KLHDC8A: variants seen among roughly 807,000 people sequenced by gnomAD.
The protein encoded by KLHDC8A is kelch domain-containing protein 8A.
In KLHDC8A, 21 loss-of-function variants were observed where a neutral mutation model predicts 33.1. The observed-to-expected ratio is 0.64, with a 90% CI of 0.45 to 0.91. The LOEUF (loss-of-function observed/expected upper bound fraction) is 0.91, where lower values mean the gene tolerates loss of function less well. Among genes scored for constraint, KLHDC8A ranks in the 40% least tolerant of loss-of-function variants. KLHDC8A has a pLI of 0.00. For missense variants in KLHDC8A, 435 were observed against 483.3 expected, an observed-to-expected ratio of 0.90 and a Z score of 0.94; for synonymous variants, 173 against 193.5, an observed-to-expected ratio of 0.89 and a Z score of 0.88.
rs543231899 is a variant in KLHDC8A, at chr1:205,350,994, G to C, written c.-190+5539C>G. Reference sequence around the variant, plus strand: ...GGTAGAGGGCCTGCTAGAAACAGAAGGCTAAACAAAAGGCTGGCCTGCTCA... The same window carrying C: ...GGTAGAGGGCCTGCTAGAAACAGAACGCTAAACAAAAGGCTGGCCTGCTCA... On this transcript the variant is annotated intron_variant, in intron 1 of 5. Transcript: ENST00000367155. Among the ~76,000 whole-genome samples the C allele has an allele frequency of 1.1e-4, 16 of 152,302 alleles. No individual in the cohort carries two copies. The South Asian group carries it at 3.3e-3, about 32-fold the overall frequency.
chr1:205,341,892 G>T lies in KLHDC8A; in HGVS notation c.376+1337C>A, dbSNP rs375505195. Among the ~76,000 whole-genome samples the T allele has an allele frequency of 1.1e-4, 16 of 152,116 alleles. 1 individual carries two copies. Among genetic ancestry groups the T allele is most frequent in the African/African-American group, 2.9e-4 (12 of 41,506 alleles). On this transcript the variant is annotated intron_variant, in intron 2 of 5. Coordinates refer to ENST00000367155, the MANE Select transcript of KLHDC8A (RefSeq NM_018203.3). The stretch of plus-strand genomic sequence containing the variant: ...TCTTGATCTCCTGACCTCATGATCC[G>T]CCCGCCTCAGCCTCCCAAAATGCTG...
intron 1 of KLHDC8A, among the ~76,000 whole-genome samples, chr1:205,355,525 AAT>A (rs1435557420): frequency 6.6e-6 from 1 of 152,212 alleles, no homozygotes; most frequent in Non-Finnish European, 1.5e-5. Flanking sequence ...TATTTTGTAT[AAT>A]TTGAACCTCA....
Position 205,336,388 on chromosome 1 carries a change from G to C in KLHDC8A, c.*1011C>G, listed in dbSNP as rs1036651340. The C allele has an allele frequency of 6.6e-6, 1 of 152,584 alleles. No homozygotes were observed. Among genetic ancestry groups the C allele is most frequent in the African/African-American group, 2.4e-5 (1 of 41,446 alleles). 9.5% of individuals were successfully genotyped at this position (152,584 alleles called of 1,614,324 possible). ...TGAGAAGGCAGAGCTCTTCAGAGGG[G>C]ACAGCCAAGAACAGGTAGTCACTGG... is the stretch of plus-strand genomic sequence containing the variant. On this transcript the variant is annotated 3_prime_UTR_variant, in exon 6 of 6. Transcript: ENST00000367155.
chr1:205,341,951 T>C (rs1662804228), intron 2 of KLHDC8A, among the ~76,000 whole-genome samples: 1 of 152,194 alleles, frequency 6.6e-6, no homozygotes, highest in Non-Finnish European at 1.5e-5. Context: ...GCCCGGCCAA[T>C]CTTTGTTTCT....
At position 205,343,567 on chromosome 1, in the gene KLHDC8A, C is replaced by A. The variant is rs1197449167; in HGVS notation, c.38G>T (p.Arg13Leu). 2.5e-6 allele frequency: 4 copies of A among 1,610,266 alleles called. No individual in the cohort carries two copies. In the Middle Eastern group the frequency reaches 5.0e-4, roughly 201 times the overall value. Residue 13 changes from arginine (R) to leucine (L), a missense_variant, in exon 2 of 6, where the codon CGC becomes CTC. Arg to Leu is a moderately radical substitution (Grantham distance 102). Coordinates refer to ENST00000367155, the MANE Select transcript of KLHDC8A (RefSeq NM_018203.3). ...VPNVKDFQWK[R>L]LAPLPSRRVY... ...CCGGCGGCTGGGCAGTGGCGCCAGG[C>A]GCTTCCACTGGAAGTCCTTGACGTT...
In KLHDC8A at chr1:205,339,152, C is replaced by T. The variant is rs1316504317; in HGVS notation, c.757+42G>A. The T allele has an allele frequency of 1.3e-6, 2 of 1,541,740 alleles. No homozygotes were observed. Among genetic ancestry groups the T allele is most frequent in the South Asian group, 1.1e-5 (1 of 88,910 alleles). On this transcript the variant is annotated intron_variant, in intron 4 of 5. Transcript: ENST00000367155. This position sits in a 1 kb window ranked among gnomAD's most constrained non-coding sequence, Gnocchi z 5.1. Reference sequence around the variant, plus strand: ...AGGGATGGGGAGCCAGCCAGAAGGGCAGTGGGCAGCCAGAGCTTCCTGGGG... The same window carrying T: ...AGGGATGGGGAGCCAGCCAGAAGGGTAGTGGGCAGCCAGAGCTTCCTGGGG...
At chr1:205,344,109 G>T (rs1181114294) in intron 1 of KLHDC8A, 3 of 152,228 alleles carry the variant, frequency 2.0e-5, no homozygotes, top group Non-Finnish European at 4.4e-5. Flanking sequence ...CGCAGTCTCG[G>T]CGCCCCCGCC....
chr1:205,343,424 C>A lies in KLHDC8A; in HGVS notation c.181G>T (p.Ala61Ser), dbSNP rs753535397. ...VYSPEADQWTALPRLPTARAG... is the reference protein window; with the variant it reads ...VYSPEADQWTSLPRLPTARAG... ...CGGGCTGTGGGCAGCCGGGGCAAGG[C>A]GGTCCACTGGTCGGCCTCCGGGGAG... is the stretch of plus-strand genomic sequence containing the variant. The change falls in exon 2 of 6, where the codon GCC (alanine) becomes TCC (serine). Residue 61 changes from alanine to serine, a missense_variant. Transcript: ENST00000367155. 7 of 1,613,298 alleles carry A rather than the reference C, an allele frequency of 4.3e-6. No individual in the cohort carries two copies. The South Asian group carries it at 7.7e-5, about 18-fold the overall frequency.
chr1:205,339,204 G>A lies in KLHDC8A; in HGVS notation c.747C>T (p.Asp249=). 6.2e-7 allele frequency: 1 copy of A among 1,613,864 alleles called. No homozygotes were observed. The highest frequency in any genetic ancestry group is 1.1e-5 in the South Asian group (1 of 91,076). ...PKFLRTMDVF[D]MEQGGWLKME... The stretch of plus-strand genomic sequence containing the variant: ...AGGTGACCAGCTCACCCTGTTCCAT[G>A]TCGAACACGTCCATCGTCCGCAGGA... The change falls in exon 4 of 6, where the codon GAC becomes GAT. Residue 249 remains aspartate (D), a synonymous_variant. Transcript: ENST00000367155. This position sits in a 1 kb window ranked among gnomAD's most constrained non-coding sequence, Gnocchi z 5.1.
chr1:205,352,097 G>A (rs1663128767), intron 1 of KLHDC8A, among the ~76,000 whole-genome samples: 1 of 152,128 alleles, frequency 6.6e-6, no homozygotes, highest in African/African-American at 2.4e-5. Context: ...ATGACACTCA[G>A]CCCGGGCCCT....
chr1:205,355,001 A>C (rs942683653), intron 1 of KLHDC8A, among the ~76,000 whole-genome samples: 1 of 152,246 alleles, frequency 6.6e-6, no homozygotes, highest in Non-Finnish European at 1.5e-5. Flanking sequence ...AAACAAACTC[A>C]GAGAGGTGAA....
chr1:205,344,948 G>A (rs1373092045), intron 1 of KLHDC8A, among the ~76,000 whole-genome samples: 1 of 152,110 alleles, frequency 6.6e-6, no homozygotes, highest in Non-Finnish European at 1.5e-5. Context: ...CCCTTCACGA[G>A]CTTCAGGAAG....
In KLHDC8A at chr1:205,343,220, C is replaced by T; in HGVS notation, c.376+9G>A. 6.3e-7 allele frequency: 1 copy of T among 1,575,380 alleles called. No homozygotes were observed. Among genetic ancestry groups the T allele is most frequent in the Non-Finnish European group, 8.7e-7 (1 of 1,155,860 alleles). ...CTCTCTGGCCGCCCTCAGCCCTGGC[C>T]CCACTTGCCTTTGGCCGTGACAGAA... On this transcript the variant is annotated intron_variant, in intron 2 of 5. Coordinates refer to ENST00000367155, the MANE Select transcript of KLHDC8A (RefSeq NM_018203.3).
chr1:205,352,092 A>C lies in KLHDC8A; in HGVS notation c.-190+4441T>G, dbSNP rs115925608. 7.2e-3 allele frequency among the ~76,000 whole-genome samples: 1,092 copies of C among 152,092 alleles called. 16 individuals are homozygous for C. The highest frequency in any genetic ancestry group is 0.025 in the African/African-American group (1,037 of 41,474). Reference sequence around the variant, plus strand: ...TTTAGGCTGTTTAGGCTGGCATGACACTCAGCCCGGGCCCTCCAGAGAGCC... The same window carrying C: ...TTTAGGCTGTTTAGGCTGGCATGACCCTCAGCCCGGGCCCTCCAGAGAGCC... On this transcript the variant is annotated intron_variant, in intron 1 of 5. Coordinates refer to ENST00000367155, the MANE Select transcript of KLHDC8A (RefSeq NM_018203.3).
At chr1:205,354,061 T>G (rs1426178197) in intron 1 of KLHDC8A, among the ~76,000 whole-genome samples, 4 of 152,212 alleles carry the variant, frequency 2.6e-5, no homozygotes, top group Admixed American at 6.5e-5. Context: ...GCTGCTGGTT[T>G]GGGCTACCCC....
In KLHDC8A at chr1:205,339,852, A is replaced by G. The variant is rs776951088; in HGVS notation, c.377-44T>C. On this transcript the variant is annotated intron_variant, in intron 2 of 5. Transcript: ENST00000367155. The surrounding 1 kb of genome is among the most constrained non-coding windows in gnomAD (Gnocchi z 5.1). ...CATGCCCCTGGCTTAGCTCACAGGT[A>G]CAGCAAGACAGGCCCACCAGCATCT... 4 of 1,582,494 alleles carry G rather than the reference A, an allele frequency of 2.5e-6. No homozygotes were observed. The highest frequency in any genetic ancestry group is 3.4e-6 in the Non-Finnish European group (4 of 1,160,404).
intron 5 of KLHDC8A, 63 bp from the exon 6 acceptor site, chr1:205,337,655 T>C: frequency 8.0e-7 from 1 of 1,245,354 alleles, no homozygotes; most frequent in Non-Finnish European, 1.1e-6. Flanking sequence ...TGCCCCACGG[T>C]CACCCCACCT....
intron 1 of KLHDC8A, chr1:205,344,195 G>T (rs571565347): frequency 6.6e-6 from 1 of 152,410 alleles, no homozygotes; most frequent in African/African-American, 2.4e-5. Flanking sequence ...GGAGCCCGGA[G>T]CCCCCGCCCC....
intron 1 of KLHDC8A, among the ~76,000 whole-genome samples, chr1:205,346,663 G>A (rs1662957162): frequency 6.6e-6 from 1 of 152,212 alleles, no homozygotes; most frequent in Non-Finnish European, 1.5e-5. Context: ...ATGAGATGAA[G>A]TGACTTACTT....
Sources: allele counts gnomAD v4.1 joint callset (sites outside exome capture counted in the v4.1 genomes callset), GRCh38; gene constraint gnomAD v4.1.1; non-coding constraint Gnocchi (gnomAD v3.1); transcripts MANE v1.5; gene names NCBI Gene and HGNC (gene_info 2026-07-23, HGNC 2026-07-21).